COL23A1: variants seen among roughly 807,000 people sequenced by gnomAD.
COL23A1 encodes collagen type XXIII alpha 1 chain.
In COL23A1, 97 loss-of-function variants were observed where a neutral mutation model predicts 99.3. The observed-to-expected ratio is 0.98, with a 90% CI of 0.83 to 1.16. The LOEUF (loss-of-function observed/expected upper bound fraction) is 1.16. Ranked by LOEUF, COL23A1 falls within the 50% of genes most tolerant of loss-of-function variation. The probability of loss-of-function intolerance (pLI) is 0.00; values close to 1 mark genes in which losing one functional copy is unlikely to be tolerated. For synonymous variants in COL23A1, 320 were observed against 308.2 expected, an observed-to-expected ratio of 1.04 and a Z score of -0.40; for missense variants, 762 against 757.4, an observed-to-expected ratio of 1.01 and a Z score of -0.07.
In COL23A1 at chr5:178,560,683, T is replaced by C. The variant is rs750657133; in HGVS notation, c.360A>G (p.Pro120=). 8 of 1,610,758 alleles carry C rather than the reference T, an allele frequency of 5.0e-6. No individual in the cohort carries two copies. Among genetic ancestry groups the C allele is most frequent in the South Asian group, 4.4e-5 (4 of 90,570 alleles). The change falls in exon 2 of 29, where the codon CCA becomes CCG. Residue 120 remains proline, a splice_region_variant and synonymous_variant. Transcript: ENST00000390654. Reference sequence around the variant, plus strand: ...GAAGGGAGCTCAACCTTCACTTACCTGGGGGGCAGACACATTCGGATGGAG... The same window carrying C: ...GAAGGGAGCTCAACCTTCACTTACCCGGGGGGCAGACACATTCGGATGGAG... ...REAPSECVCP[P]GPPGRRGKPG...
chr5:178,555,076 C>T (rs1483772248), intron 2 of COL23A1, among the ~76,000 whole-genome samples: 1 of 152,172 alleles, frequency 6.6e-6, no homozygotes, highest in Non-Finnish European at 1.5e-5. Flanking sequence ...TGCCGTCAGG[C>T]TGATTTCCTT....
Position 178,256,352 on chromosome 5 carries a change from C to G in COL23A1, c.882+1G>C, listed in dbSNP as rs1765297732. 1 of 1,602,768 alleles carries G rather than the reference C, an allele frequency of 6.2e-7. No homozygotes were observed. Among genetic ancestry groups the G allele is most frequent in the Admixed American group, 1.7e-5 (1 of 59,316 alleles). On this transcript the variant is annotated splice_donor_variant, in intron 15 of 28. Coordinates refer to ENST00000390654, the MANE Select transcript of COL23A1 (RefSeq NM_173465.4). LOFTEE classifies it high-confidence loss of function. ...GCCTCGCCTGAGGGGCGGCAGCTTA[C>G]CCGGGGCCCTGCAGCTCCATCCGTG...
At chr5:178,338,370 C>T (rs1200872748) in intron 2 of COL23A1, among the ~76,000 whole-genome samples, 1 of 152,202 alleles carries the variant, frequency 6.6e-6, no homozygotes, top group African/African-American at 2.4e-5. Context: ...AATGAAGCCC[C>T]AGGGACAGCA....
chr5:178,285,642 T>C (rs927381759), intron 5 of COL23A1, among the ~76,000 whole-genome samples: 6 of 152,162 alleles, frequency 3.9e-5, no homozygotes, highest in Admixed American at 3.9e-4. Context: ...GCTCTGCAGG[T>C]GTGATCTCCC....
At chr5:178,337,976 A>C (rs1017364650) in intron 2 of COL23A1, among the ~76,000 whole-genome samples, 2 of 152,068 alleles carry the variant, frequency 1.3e-5, no homozygotes, top group Non-Finnish European at 2.9e-5. Context: ...TGCGTGTATC[A>C]TTTCACCCAG....
intron 2 of COL23A1, among the ~76,000 whole-genome samples, chr5:178,492,340 A>G (rs921078904): frequency 6.6e-6 from 1 of 152,148 alleles, no homozygotes; most frequent in Non-Finnish European, 1.5e-5. Context: ...CAACGGGACC[A>G]GTGTCCTCCT....
chr5:178,508,733 A>C (rs1303909221), intron 2 of COL23A1, among the ~76,000 whole-genome samples: 1 of 152,140 alleles, frequency 6.6e-6, no homozygotes, highest in Non-Finnish European at 1.5e-5. Flanking sequence ...AGGGCAGAGC[A>C]GTTCTTACCT....
chr5:178,371,220 GAT>G (rs1762783697), intron 2 of COL23A1, among the ~76,000 whole-genome samples: 1 of 152,192 alleles, frequency 6.6e-6, no homozygotes, highest in East Asian at 1.9e-4. Flanking sequence ...GTGCAGAATT[GAT>G]GAGGAGTTAG....
In COL23A1 at chr5:178,543,110, G is replaced by GT. The variant is rs1278330892; in HGVS notation, c.361+17571dup. On this transcript the variant is annotated intron_variant, in intron 2 of 28. Coordinates refer to ENST00000390654, the MANE Select transcript of COL23A1 (RefSeq NM_173465.4). Reference sequence around the variant, plus strand: ...ATCCTTTTGAGAGCATAATTGGCTTGTTTTTTTTTTTTTTGAGCCGGAGTT... The same window carrying GT: ...ATCCTTTTGAGAGCATAATTGGCTTGTTTTTTTTTTTTTTTGAGCCGGAGTT... Among the ~76,000 whole-genome samples, 591 of 142,560 alleles carry GT rather than the reference G, an allele frequency of 4.1e-3. 2 individuals carry two copies. Among genetic ancestry groups the GT allele is most frequent in the Middle Eastern group, 0.026 (7 of 274 alleles). The allele number at this position is 142,560 out of a possible 152,430, so 93.5% of individuals were successfully genotyped here.
intron 2 of COL23A1, among the ~76,000 whole-genome samples, chr5:178,311,541 C>T (rs967705679): frequency 4.7e-5 from 7 of 148,936 alleles, no homozygotes; most frequent in African/African-American, 1.8e-4. Context: ...TAATGCGGGG[C>T]TTTAATGTAA....
intron 2 of COL23A1, among the ~76,000 whole-genome samples, chr5:178,378,893 C>T (rs1048072406): frequency 6.6e-6 from 1 of 152,180 alleles, no homozygotes; most frequent in Non-Finnish European, 1.5e-5. Context: ...CACAGAGACC[C>T]CATCCTTCTC....
chr5:178,524,619 C>A (rs1300742024), intron 2 of COL23A1, among the ~76,000 whole-genome samples: 1 of 152,252 alleles, frequency 6.6e-6, no homozygotes, highest in African/African-American at 2.4e-5. Context: ...CCTCCTCCCC[C>A]ATGGACCACC....
At position 178,248,246 on chromosome 5, in the gene COL23A1, G is replaced by A. The variant is rs941403434; in HGVS notation, c.1158C>T (p.Asp386=). ...ACTCCCCCTTCTCCCCCTTGAGGCC[G>A]TCAGCGCCCTGCAGGACGGCAATGG... ...EMGLSGLPGA[D]GLKGEKGESA... is the part of the protein sequence containing the mutation. The change falls in exon 20 of 29, where the codon GAC becomes GAT. Residue 386 remains aspartate (D), a synonymous_variant. Transcript: ENST00000390654. 4.5e-5 allele frequency: 73 copies of A among 1,609,236 alleles called. No individual in the cohort carries two copies. The highest frequency in any genetic ancestry group is 1.9e-4 in the African/African-American group (14 of 74,710).
intron 2 of COL23A1, among the ~76,000 whole-genome samples, chr5:178,451,602 A>G (rs1767490549): frequency 6.8e-6 from 1 of 146,440 alleles, no homozygotes; most frequent in Non-Finnish European, 1.5e-5. Context: ...GGTTGCAGTG[A>G]GCCGAGATCT....
chr5:178,402,815 C>T (rs1561940142), intron 2 of COL23A1, among the ~76,000 whole-genome samples: 2 of 152,046 alleles, frequency 1.3e-5, no homozygotes, highest in Non-Finnish European at 1.5e-5. Flanking sequence ...TATCACGTTT[C>T]CTCCAAATAT....
chr5:178,243,269 C>T (rs550863136), intron 25 of COL23A1, among the ~76,000 whole-genome samples: 32 of 151,870 alleles, frequency 2.1e-4, no homozygotes, highest in Non-Finnish European at 4.1e-4. Flanking sequence ...AGGCAGATTG[C>T]TTGAGCTCAG....
intron 2 of COL23A1, among the ~76,000 whole-genome samples, chr5:178,444,959 A>C (rs1246568469): frequency 1.3e-5 from 2 of 152,224 alleles, no homozygotes; most frequent in Non-Finnish European, 2.9e-5. Context: ...CACTTAGTAA[A>C]GTCTCTGGTA....
At chr5:178,421,279 G>A (rs1765621280) in intron 2 of COL23A1, among the ~76,000 whole-genome samples, 1 of 152,154 alleles carries the variant, frequency 6.6e-6, no homozygotes, top group Non-Finnish European at 1.5e-5. Context: ...ACGTAACTGG[G>A]CAGACACTGG....
intron 2 of COL23A1, among the ~76,000 whole-genome samples, chr5:178,555,765 A>T (rs1174098345): frequency 2.0e-5 from 3 of 152,186 alleles, no homozygotes. Context: ...CCAGGCTCCA[A>T]GGTGCCGGCC....
Sources: gnomAD v4.1 joint callset for allele counts (sites outside exome capture counted in the v4.1 genomes callset) on GRCh38, gnomAD v4.1.1 for gene constraint, MANE v1.5 for transcripts, NCBI Gene and HGNC (gene_info 2026-07-23, HGNC 2026-07-21) for gene names.